Variants in LARGE1 observed in about 807,000 individuals in gnomAD.
The protein encoded by LARGE1 is xylosyl- and glucuronyltransferase LARGE1.
Under a neutral mutation model 87.6 loss-of-function variants are expected in LARGE1, and 43 were observed. The observed-to-expected ratio is 0.49, with a 90% CI of 0.38 to 0.63. The LOEUF (loss-of-function observed/expected upper bound fraction) is 0.63. Ranked by LOEUF, LARGE1 falls within the 30% of genes least tolerant of loss-of-function variation. The pLI, the probability that LARGE1 is intolerant of heterozygous loss-of-function variation, is 0.00. For missense variants in LARGE1, 802 were observed against 1,000.2 expected (o/e 0.80, Z 2.67); for synonymous variants, 434 against 394.6 (o/e 1.10, Z -1.18).
At chr22:33,615,844 A>G (rs115263056) in intron 4 of LARGE1, among the ~76,000 whole-genome samples, 2,676 of 152,338 alleles carry the variant, frequency 0.018, 79 homozygotes, top group African/African-American at 0.062. Flanking sequence ...GTAAGCCAAT[A>G]AAAATTGAGC....
At chr22:33,688,166 T>C (rs919446060) in intron 2 of LARGE1, among the ~76,000 whole-genome samples, 5 of 152,210 alleles carry the variant, frequency 3.3e-5, no homozygotes, top group African/African-American at 1.2e-4. Context: ...GCTGTCTCTA[T>C]CTCAATGTCC....
chr22:33,662,064 C>T (rs1000264511), intron 2 of LARGE1, among the ~76,000 whole-genome samples: 1 of 97,860 alleles, frequency 1.0e-5, no homozygotes, highest in African/African-American at 4.0e-5. Flanking sequence ...ACACTAAGGA[C>T]AGCTTAGGAG....
chr22:33,365,346 A>G (rs1435321742), intron 9 of LARGE1, among the ~76,000 whole-genome samples: 1 of 152,226 alleles, frequency 6.6e-6, no homozygotes, highest in Non-Finnish European at 1.5e-5. Flanking sequence ...TATGGGTGAC[A>G]TAACAGACCA....
intron 11 of LARGE1, among the ~76,000 whole-genome samples, chr22:33,237,368 G>T (rs1176523424): frequency 6.6e-6 from 1 of 152,078 alleles, no homozygotes; most frequent in African/African-American, 2.4e-5. Flanking sequence ...TGGTTTCCTG[G>T]TTCTGTCCTC....
At chr22:33,869,208 T>C (rs961514394) in intron 1 of LARGE1, among the ~76,000 whole-genome samples, 1 of 152,126 alleles carries the variant, frequency 6.6e-6, no homozygotes, top group Non-Finnish European at 1.5e-5. Context: ...TGCATCCTCC[T>C]CTTGTCTGTC....
the LARGE1 span, among the ~76,000 whole-genome samples, chr22:33,118,298 C>T: frequency 2.0e-5 from 3 of 151,886 alleles, no homozygotes; most frequent in Non-Finnish European, 2.9e-5. Flanking sequence ...GCCTGGGCAA[C>T]ATCATGGAAC....
intron 6 of LARGE1, among the ~76,000 whole-genome samples, chr22:33,560,083 A>G (rs1400389731): frequency 1.3e-5 from 2 of 152,168 alleles, no homozygotes; most frequent in African/African-American, 4.8e-5. Context: ...CTGGATTCAA[A>G]GTTAGACTGT....
At chr22:33,193,694 T>A (rs1923911012) in intron 11 of LARGE1, among the ~76,000 whole-genome samples, 1 of 151,984 alleles carries the variant, frequency 6.6e-6, no homozygotes, top group African/African-American at 2.4e-5. Context: ...GGTGCATGCC[T>A]GTAATCCCAG....
chr22:33,652,276 G>A (rs553589283), intron 2 of LARGE1, among the ~76,000 whole-genome samples: 5 of 151,972 alleles, frequency 3.3e-5, no homozygotes, highest in South Asian at 2.1e-4. Context: ...GTCAGAATTC[G>A]CACCCAGGTC....
At chr22:33,455,610 C>T (rs1034837939) in intron 6 of LARGE1, among the ~76,000 whole-genome samples, 2 of 151,568 alleles carry the variant, frequency 1.3e-5, no homozygotes, top group Non-Finnish European at 2.9e-5. Context: ...AAAAATTAGC[C>T]GGGCATGGTG....
intron 11 of LARGE1, among the ~76,000 whole-genome samples, chr22:33,234,302 A>T (rs762487660): frequency 2.6e-5 from 4 of 152,192 alleles, no homozygotes; most frequent in Non-Finnish European, 5.9e-5. Flanking sequence ...TCATTGGCCA[A>T]TGTGAATCAC....
the LARGE1 span, among the ~76,000 whole-genome samples, chr22:33,080,560 A>G: frequency 2.6e-3 from 402 of 152,358 alleles, 1 homozygote; most frequent in Admixed American, 5.5e-3. Context: ...TTTGATATCC[A>G]GACCTAACTT....
chr22:33,440,943 G>A (rs1264528609), intron 6 of LARGE1, among the ~76,000 whole-genome samples: 7 of 152,114 alleles, frequency 4.6e-5, no homozygotes, highest in Admixed American at 4.6e-4. Context: ...CCAAGGGCGA[G>A]CGGTGTTTAT....
chr22:33,833,881 T>G (rs1222228864), intron 1 of LARGE1, among the ~76,000 whole-genome samples: 1 of 152,048 alleles, frequency 6.6e-6, no homozygotes, highest in Non-Finnish European at 1.5e-5. Flanking sequence ...GAGACGAGGT[T>G]TCACTATGTT....
intron 2 of LARGE1, among the ~76,000 whole-genome samples, chr22:33,709,231 C>T (rs978776573): frequency 6.6e-6 from 1 of 152,120 alleles, no homozygotes; most frequent in Non-Finnish European, 1.5e-5. Context: ...TCTCAGAAGC[C>T]ACCCCGCTCA....
At chr22:33,721,076 G>A (rs952406062) in intron 2 of LARGE1, among the ~76,000 whole-genome samples, 35 of 152,232 alleles carry the variant, frequency 2.3e-4, no homozygotes, top group Non-Finnish European at 8.8e-5. Flanking sequence ...TGGAGGCAAA[G>A]GAAGTGGAAT....
chr22:33,163,629 C>G (rs552158271), exon 12 of LARGE1: 1 of 152,218 alleles, frequency 6.6e-6, no homozygotes, highest in African/African-American at 2.4e-5. Flanking sequence ...GGGCTAAGTA[C>G]AGTGTACGGT....
At position 33,781,367 on chromosome 22, in the gene LARGE1, G is replaced by C. The variant is rs1231014917; in HGVS notation, c.-82-19809C>G. Among the ~76,000 whole-genome samples the C allele has an allele frequency of 2.0e-5, 3 of 152,162 alleles. No homozygotes were observed. In the South Asian group the frequency reaches 6.2e-4, roughly 32 times the overall value. The stretch of plus-strand genomic sequence containing the variant: ...AATACAAAAATTAGCCAGGCATGGT[G>C]GTGGGTGCCTGTAATCCCAGCTACT... On this transcript the variant is annotated intron_variant, in intron 1 of 14. Coordinates refer to ENST00000397394, the MANE Select transcript of LARGE1 (RefSeq NM_133642.5).
At chr22:33,798,324 G>A (rs1445253483) in intron 1 of LARGE1, among the ~76,000 whole-genome samples, 1 of 146,450 alleles carries the variant, frequency 6.8e-6, no homozygotes, top group Non-Finnish European at 1.5e-5. Context: ...ATCAAATGAA[G>A]TACCTAGATA....
Sources: allele counts gnomAD v4.1 joint callset (sites outside exome capture counted in the v4.1 genomes callset), GRCh38; gene constraint gnomAD v4.1.1; transcripts MANE v1.5; gene names NCBI Gene and HGNC (gene_info 2026-07-23, HGNC 2026-07-21).